Variants in ATP11B observed in about 807,000 individuals in gnomAD.
ATP11B encodes phospholipid-transporting ATPase IF.
In ATP11B, 81 loss-of-function variants were observed where a neutral mutation model predicts 157.8. The ratio of observed to expected loss-of-function variants is 0.51; its 90% CI spans 0.43 to 0.62. ATP11B has a LOEUF of 0.62. ATP11B is among the 20% of genes least tolerant of loss of function. The pLI, the probability that ATP11B is intolerant of heterozygous loss-of-function variation, is 0.00. For synonymous variants in ATP11B, 451 were observed against 469.4 expected (o/e 0.96, Z 0.51); for missense variants, 1,165 against 1,402.2 (o/e 0.83, Z 2.70).
intron 10 of ATP11B, 90 bp downstream of exon 10, chr3:182,848,647 T>C: frequency 3.9e-6 from 2 of 518,186 alleles, no homozygotes; most frequent in Non-Finnish European, 5.5e-6. Flanking sequence ...ATAATATATA[T>C]TAAGTAAACA....
chr3:182,812,877 C>T (rs1716755571), intron 1 of ATP11B, among the ~76,000 whole-genome samples: 1 of 152,136 alleles, frequency 6.6e-6, no homozygotes, highest in Admixed American at 6.5e-5. Context: ...CTTGCCATTC[C>T]CTTCCTTACT....
At chr3:182,857,161 T>C (rs540456461) in intron 10 of ATP11B, among the ~76,000 whole-genome samples, 17 of 152,342 alleles carry the variant, frequency 1.1e-4, no homozygotes, top group African/African-American at 4.1e-4. Flanking sequence ...TGTTTGTTTT[T>C]TCGAGACAGA....
At position 182,815,131 on chromosome 3, in the gene ATP11B, A is replaced by G. The variant is rs561707201; in HGVS notation, c.28-5129A>G. Among the ~76,000 whole-genome samples, 5 of 152,304 alleles carry G rather than the reference A, an allele frequency of 3.3e-5. No homozygotes were observed. In the East Asian group the frequency reaches 9.6e-4, roughly 29 times the overall value. On this transcript the variant is annotated intron_variant, in intron 1 of 29. Transcript: ENST00000323116. ...AGATTTTATATCCTACAGCTTGAAA[A>G]AATCCAGTCCCAACTCACCCCTGCA...
chr3:182,798,035 G>C (rs901951954), intron 1 of ATP11B, among the ~76,000 whole-genome samples: 6 of 152,074 alleles, frequency 3.9e-5, no homozygotes, highest in African/African-American at 1.4e-4. Context: ...TGCTTGGAAG[G>C]TTAGGGTGGG....
chr3:182,836,190 G>A (rs1036261191), intron 5 of ATP11B, 48 bp downstream of exon 5: 13 of 1,573,758 alleles, frequency 8.3e-6, no homozygotes, highest in Non-Finnish European at 1.1e-5. Flanking sequence ...TGATATCACA[G>A]GACATAATTC....
intron 1 of ATP11B, among the ~76,000 whole-genome samples, chr3:182,806,776 C>CT (rs1716352695): frequency 6.6e-6 from 1 of 152,084 alleles, no homozygotes. Context: ...CTTTGGAGAT[C>CT]TTAAACATAC....
At chr3:182,916,072 G>A (rs1020086138) in intron 29 of ATP11B, 84 of 985,150 alleles carry the variant, frequency 8.5e-5, no homozygotes, top group Admixed American at 1.2e-4. Context: ...ATAACACCAA[G>A]CTACCTGGTG....
chr3:182,793,727 G>A lies in ATP11B; in HGVS notation c.-33G>A. On this transcript the variant is annotated 5_prime_UTR_variant, in exon 1 of 30. Coordinates refer to ENST00000323116, the MANE Select transcript of ATP11B (RefSeq NM_014616.3). ...CCACCTGCAGCCCCGCGGCCCCCGCGCCCCGCGGGACCCGGACGGCGACGA... is the reference window on the plus strand; with the variant it reads ...CCACCTGCAGCCCCGCGGCCCCCGCACCCCGCGGGACCCGGACGGCGACGA... 7.1e-7 allele frequency: 1 copy of A among 1,401,292 alleles called. No individual in the cohort carries two copies. The allele number at this position is 1,401,292 out of a possible 1,614,324, so 86.8% of individuals were successfully genotyped here.
intron 4 of ATP11B, 90 bp from the exon 5 acceptor site, chr3:182,835,945 C>T (rs1718515789): frequency 1.1e-6 from 1 of 921,354 alleles, no homozygotes; most frequent in Non-Finnish European, 1.6e-6. Flanking sequence ...TGTAGTGTTC[C>T]AGGGAAGTTT....
In ATP11B at chr3:182,865,558, A is replaced by G; in HGVS notation, c.1303A>G (p.Arg435Gly). 6.2e-7 allele frequency: 1 copy of G among 1,613,926 alleles called. No individual in the cohort carries two copies. Among genetic ancestry groups the G allele is most frequent in the African/African-American group, 1.3e-5 (1 of 75,044 alleles). ...NGMKYQEING[R>G]LVPEGPTPDS... ...CATGAAATACCAAGAAATTAATGGTAGACTTGTACCCGAAGGACCAACACC... is the reference window on the plus strand; with the variant it reads ...CATGAAATACCAAGAAATTAATGGTGGACTTGTACCCGAAGGACCAACACC... The change falls in exon 13 of 30, where the codon AGA becomes GGA. Residue 435 changes from arginine (R) to glycine (G), a missense_variant. By Grantham distance (125) the Arg-to-Gly change is moderately radical. This residue lies in a region of ATP11B where 737 missense variants were observed against 930.5 expected (regional missense o/e 0.79). Transcript: ENST00000323116.
chr3:182,916,999 G>A (rs1725182126), intron 29 of ATP11B: 3 of 984,800 alleles, frequency 3.0e-6, no homozygotes, highest in Admixed American at 6.2e-5. Flanking sequence ...TAGATGCTAG[G>A]GAGACAGTAG....
chr3:182,858,950 T>C (rs1164648500), intron 11 of ATP11B, among the ~76,000 whole-genome samples: 1 of 152,174 alleles, frequency 6.6e-6, no homozygotes. Flanking sequence ...TCATTTACTT[T>C]ATCAAGATTC....
intron 28 of ATP11B, among the ~76,000 whole-genome samples, chr3:182,900,819 G>T (rs997951199): frequency 2.6e-5 from 4 of 152,100 alleles, no homozygotes; most frequent in Admixed American, 6.5e-5. Flanking sequence ...GCCGAGGCGG[G>T]TGGATGGCTT....
chr3:182,914,309 T>A, intron 29 of ATP11B: 1 of 1,022,742 alleles, frequency 9.8e-7, no homozygotes, highest in Non-Finnish European at 1.2e-6. Context: ...TTGTATAACT[T>A]TCTTTTTTAA....
Position 182,921,089 on chromosome 3 carries a change from TAAG to T in ATP11B, c.*2987_*2989del, listed in dbSNP as rs1223266417. 2 of 152,186 alleles carry T rather than the reference TAAG, an allele frequency of 1.3e-5. No homozygotes were observed. Among genetic ancestry groups the T allele is most frequent in the Non-Finnish European group, 2.9e-5 (2 of 68,028 alleles). The allele number at this position is 152,186 out of a possible 1,614,324, so 9.4% of individuals were successfully genotyped here. On this transcript the variant is annotated 3_prime_UTR_variant, in exon 30 of 30. Coordinates refer to ENST00000323116, the MANE Select transcript of ATP11B (RefSeq NM_014616.3). ...TCAAGGCCACTAGAAAATTGACAGTTAAGAGCCAAAAGTTTTTAAAATATGCTA... is the reference window on the plus strand; with the variant it reads ...TCAAGGCCACTAGAAAATTGACAGTTAGCCAAAAGTTTTTAAAATATGCTA...
chr3:182,869,533 G>A (rs536085973), intron 17 of ATP11B, among the ~76,000 whole-genome samples: 6 of 152,186 alleles, frequency 3.9e-5, no homozygotes, highest in South Asian at 4.1e-4. Flanking sequence ...CTCTACAGTC[G>A]GGGCATTTCT....
chr3:182,918,046 T>G lies in ATP11B; in HGVS notation c.3476T>G (p.Phe1159Cys). Reference protein sequence around the residue: ...ISRSWSASDPFYTNDRSILTL... With the variant: ...ISRSWSASDPCYTNDRSILTL... ...AGATCATGGAGTGCATCGGATCCTT[T>G]CTATACCAACGACAGGAGCATCTTG... The change falls in exon 30 of 30, where the codon TTC becomes TGC. Residue 1159 changes from phenylalanine (F) to cysteine (C), a missense_variant. By Grantham distance (205) the Phe-to-Cys change is radical (BLOSUM62 -2). Around this residue, in one of 4 missense-constraint regions of ATP11B, gnomAD observed 303 missense variants for 296.3 expected, o/e 1.02. Transcript: ENST00000323116. 1 of 1,613,438 alleles carries G rather than the reference T, an allele frequency of 6.2e-7. No individual in the cohort carries two copies. The highest frequency in any genetic ancestry group is 1.1e-5 in the South Asian group (1 of 91,000).
intron 2 of ATP11B, among the ~76,000 whole-genome samples, chr3:182,820,606 G>A (rs1389603727): frequency 6.6e-6 from 1 of 151,966 alleles, no homozygotes; most frequent in Admixed American, 6.6e-5. Context: ...GAAGTCGAGG[G>A]TGCAGTGAGC....
chr3:182,844,804 T>C (rs1242266229), intron 8 of ATP11B, among the ~76,000 whole-genome samples: 1 of 152,126 alleles, frequency 6.6e-6, no homozygotes, highest in Non-Finnish European at 1.5e-5. Context: ...AATTTCATCT[T>C]CTGCCACACA....
Sources: gnomAD v4.1 joint callset for allele counts (sites outside exome capture counted in the v4.1 genomes callset) on GRCh38, gnomAD v4.1.1 for gene constraint, gnomAD v4.1.1 regional missense constraint, MANE v1.5 for transcripts, NCBI Gene and HGNC (gene_info 2026-07-23, HGNC 2026-07-21) for gene names.